Variants in ZNF227 observed in about 807,000 individuals in gnomAD.
ZNF227 encodes zinc finger protein 227.
ZNF227 carries 12 observed loss-of-function variants against 13.2 expected under a neutral mutation model. The ratio of observed to expected loss-of-function variants is 0.91; its 90% confidence interval spans 0.58 to 1.47. The LOEUF (loss-of-function observed/expected upper bound fraction) is 1.47, where lower values mean the gene tolerates loss of function less well. Among genes scored for constraint, ZNF227 ranks in the 40% most tolerant of loss-of-function variants. ZNF227 has a pLI of 0.00. For missense variants in ZNF227, 885 were observed against 967.5 expected (o/e 0.91, Z 1.13); for synonymous variants, 338 against 326.0 (o/e 1.04, Z -0.40).
In ZNF227 at chr19:44,228,555, A is replaced by G. The variant is rs151330806; in HGVS notation, c.170A>G (p.Lys57Arg). The G allele has an allele frequency of 3.7e-5, 59 of 1,612,834 alleles. No homozygotes were observed. In the African/African-American group the frequency reaches 7.2e-4, roughly 20 times the overall value. ...LYRDVMVENF[K>R]NLVAVGHLPF... ...CGAGATGTCATGGTGGAGAACTTCA[A>G]GAACCTGGTTGCAGTGGGTGAGGAC... The change falls in exon 4 of 6, where the codon AAG becomes AGG. Residue 57 changes from lysine (K) to arginine (R), a missense_variant. Transcript: ENST00000313040.
Position 44,228,594 on chromosome 19 carries a change from C to G in ZNF227, c.187+22C>G, listed in dbSNP as rs746802861. The G allele has an allele frequency of 3.8e-6, 6 of 1,587,744 alleles. No homozygotes were observed. In the African/African-American group the frequency reaches 6.9e-5, roughly 18 times the overall value. On this transcript the variant is annotated intron_variant, in intron 4 of 5. Transcript: ENST00000313040. ...GTGGGTGAGGACAGGCACTCTCTGA[C>G]CCTGAACTTCAGTTCCCTTGAGAAT...
chr19:44,222,672 A>G lies in ZNF227; in HGVS notation c.60+4820A>G, dbSNP rs1365654042. ...CTTAAGGAGATTTTGGGCTGAGACA[A>G]TGGGGTTTTCTAGATATACAATCAT... is the stretch of plus-strand genomic sequence containing the variant. On this transcript the variant is annotated intron_variant, in intron 3 of 5. Coordinates refer to ENST00000313040, the MANE Select transcript of ZNF227 (RefSeq NM_182490.3). Among the ~76,000 whole-genome samples the G allele has an allele frequency of 3.9e-3, 591 of 150,028 alleles. 2 individuals are homozygous for G. Among genetic ancestry groups the G allele is most frequent in the African/African-American group, 0.013 (544 of 40,988 alleles).
chr19:44,208,499 GGTTGT>G (rs1971261640), upstream of ZNF227, among the ~76,000 whole-genome samples: 1 of 152,162 alleles, frequency 6.6e-6, no homozygotes, highest in African/African-American at 2.4e-5. Flanking sequence ...AATACTTCTA[GGTTGT>G]AAACCTGGCT....
rs1235517972 is a variant in ZNF227 at position 44,222,122 on chromosome 19, ATC to A, written c.60+4274_60+4275del. 3.9e-5 allele frequency among the ~76,000 whole-genome samples: 6 copies of A among 151,906 alleles called. No individual in the cohort carries two copies. The South Asian group carries it at 6.2e-4, about 16-fold the overall frequency. On this transcript the variant is annotated intron_variant, in intron 3 of 5. Coordinates refer to ENST00000313040, the MANE Select transcript of ZNF227 (RefSeq NM_182490.3). ...GCTCTGTTCTGTTCCATTGATCTAT[ATC>A]TCTGTTTTGGTACCAGTACCATGCT...
chr19:44,235,578 AAG>A lies in ZNF227; in HGVS notation c.1151_1152del (p.Glu384ValfsTer3). 6.2e-7 allele frequency: 1 copy of A among 1,614,182 alleles called. No homozygotes were observed. The highest frequency in any genetic ancestry group is 8.5e-7 in the Non-Finnish European group (1 of 1,180,030). ...ACTGAAGAAAAACCATACAAATGCG[AAG>A]AGTGTGGTAAGGGCTTCGGTTGGAG... On this transcript the variant is annotated frameshift_variant, in exon 6 of 6. Transcript: ENST00000313040. LOFTEE classifies it low-confidence loss of function (END_TRUNC).
upstream of ZNF227, among the ~76,000 whole-genome samples, chr19:44,208,577 G>GA (rs888976256): frequency 6.6e-6 from 1 of 152,200 alleles, no homozygotes; most frequent in Non-Finnish European, 1.5e-5. Flanking sequence ...AAAGGATTCA[G>GA]AAGCACTAGG....
At chr19:44,224,987 T>C (rs1438953775) in intron 3 of ZNF227, among the ~76,000 whole-genome samples, 3 of 152,120 alleles carry the variant, frequency 2.0e-5, no homozygotes, top group African/African-American at 7.2e-5. Context: ...TCTCAGCATT[T>C]GCTTGTCTGT....
upstream of ZNF227, chr19:44,207,896 T>TA (rs1971246902): frequency 6.6e-6 from 1 of 152,228 alleles, no homozygotes; most frequent in Non-Finnish European, 1.5e-5. Flanking sequence ...GAGTTAATCT[T>TA]AATCTTTCTC....
rs200142796 is a variant in ZNF227, at chr19:44,236,775, G to A, written c.2345G>A (p.Arg782His). Residue 782 changes from arginine to histidine, a missense_variant, in exon 6 of 6, where the codon CGT becomes CAT. By Grantham distance (29) the Arg-to-His change is conservative. Coordinates refer to ENST00000313040, the MANE Select transcript of ZNF227 (RefSeq NM_182490.3). Reference protein sequence around the residue: ...YKCDICDKDFRHRSRLTYHQK... With the variant: ...YKCDICDKDFHHRSRLTYHQK... ...TGTGACATATGTGATAAGGACTTCC[G>A]TCACCGTTCACGTCTTACATATCAT... 6.0e-5 allele frequency: 97 copies of A among 1,610,602 alleles called. 1 individual carries two copies. The East Asian group carries it at 1.0e-3, about 17-fold the overall frequency.
At chr19:44,222,068 G>A (rs1009988694) in intron 3 of ZNF227, among the ~76,000 whole-genome samples, 155 of 152,200 alleles carry the variant, frequency 1.0e-3, no homozygotes, top group African/African-American at 3.5e-3. Context: ...AGATCAGATA[G>A]TTGTAGATCT....
chr19:44,216,958 GTT>G (rs35474532), intron 2 of ZNF227, among the ~76,000 whole-genome samples: 236 of 91,626 alleles, frequency 2.6e-3, no homozygotes, highest in South Asian at 3.9e-3. Context: ...TCATCTGCTT[GTT>G]TTTTTTTTTT....
rs556513395 is a variant in ZNF227 at position 44,224,834 on chromosome 19, C to T, written c.61-3612C>T. Among the ~76,000 whole-genome samples, 11 of 152,188 alleles carry T rather than the reference C, an allele frequency of 7.2e-5. No homozygotes were observed. The South Asian group carries it at 1.5e-3, about 20-fold the overall frequency. On this transcript the variant is annotated intron_variant, in intron 3 of 5. Transcript: ENST00000313040. ...TTTGATGTTAGCTGGTTATTTTGCT[C>T]GTTAGTTGATGCAGTTTCTTCCTAG...
chr19:44,210,977 T>G (rs906447370), upstream of ZNF227, among the ~76,000 whole-genome samples: 2 of 152,100 alleles, frequency 1.3e-5, no homozygotes, highest in Non-Finnish European at 2.9e-5. Flanking sequence ...GTGGATCACC[T>G]GAGGTCAGGA....
chr19:44,230,922 AAAAAATAT>A lies in ZNF227; in HGVS notation c.271+1108_271+1115del, dbSNP rs1457686910. Among the ~76,000 whole-genome samples the A allele has an allele frequency of 2.4e-3, 261 of 107,076 alleles. 2 individuals are homozygous for A. The highest frequency in any genetic ancestry group is 0.015 in the African/African-American group (239 of 15,596). 70.2% of individuals were successfully genotyped at this position (107,076 alleles called of 152,430 possible). On this transcript the variant is annotated intron_variant, in intron 5 of 5. Transcript: ENST00000313040. ...CTCCATCTCTACAAAAAAAAAAAAAAAAAAATATATATATATATATATATATATATATC... is the reference window on the plus strand; with the variant it reads ...CTCCATCTCTACAAAAAAAAAAAAAAATATATATATATATATATATATATC...
rs866153414 is a variant in ZNF227 at position 44,235,034 on chromosome 19, C to A, written c.604C>A (p.Gln202Lys). The change falls in exon 6 of 6, where the codon CAA becomes AAA. Residue 202 changes from glutamine (Q) to lysine (K), a missense_variant. Coordinates refer to ENST00000313040, the MANE Select transcript of ZNF227 (RefSeq NM_182490.3). ...GKQIDVKNNL[Q>K]IHEDFMKKSP... ...GCAAATTGATGTGAAAAATAACCTG[C>A]AAATACATGAAGACTTCATGAAGAA... is the stretch of plus-strand genomic sequence containing the variant. 6.2e-7 allele frequency: 1 copy of A among 1,614,034 alleles called. No homozygotes were observed. The highest frequency in any genetic ancestry group is 2.2e-5 in the East Asian group (1 of 44,880).
rs1416691244 is a variant in ZNF227, at chr19:44,236,616, C to A, written c.2186C>A (p.Ser729Ter). ...EECGKAFSLP[S>*]NLRVHLGVHT... is the part of the protein sequence containing the mutation. Reference sequence around the variant, plus strand: ...TGTGGTAAGGCCTTCAGTCTCCCCTCAAATCTTCGAGTCCACCTGGGTGTT... The same window carrying A: ...TGTGGTAAGGCCTTCAGTCTCCCCTAAAATCTTCGAGTCCACCTGGGTGTT... The change falls in exon 6 of 6, where the codon TCA becomes TAA. Residue 729 changes from serine (S) to a stop codon, truncating the protein, a stop_gained. Transcript: ENST00000313040. LOFTEE classifies it low-confidence loss of function (END_TRUNC). 7.4e-6 allele frequency: 12 copies of A among 1,613,952 alleles called. No individual in the cohort carries two copies. Among genetic ancestry groups the A allele is most frequent in the African/African-American group, 1.3e-5 (1 of 74,876 alleles).
chr19:44,231,553 G>A lies in ZNF227; in HGVS notation c.271+1737G>A, dbSNP rs144145240. On this transcript the variant is annotated intron_variant, in intron 5 of 5. Coordinates refer to ENST00000313040, the MANE Select transcript of ZNF227 (RefSeq NM_182490.3). Reference sequence around the variant, plus strand: ...TCACCATGTTGGCCAGGCTGGTCTCGAACTCCTGAGATCGTGGTCCACCTG... The same window carrying A: ...TCACCATGTTGGCCAGGCTGGTCTCAAACTCCTGAGATCGTGGTCCACCTG... Among the ~76,000 whole-genome samples, 368 of 152,182 alleles carry A rather than the reference G, an allele frequency of 2.4e-3. 2 individuals carry two copies. The highest frequency in any genetic ancestry group is 3.4e-3 in the Middle Eastern group (1 of 294).
rs748931314 is a variant in ZNF227, at chr19:44,236,871, C to A, written c.*41C>A. ...TACCAACTTTTGTCTGAATGCACAT[C>A]TTCAAGTTTTTGGCTAGTCCATGCT... is the stretch of plus-strand genomic sequence containing the variant. On this transcript the variant is annotated 3_prime_UTR_variant, in exon 6 of 6. Coordinates refer to ENST00000313040, the MANE Select transcript of ZNF227 (RefSeq NM_182490.3). 6.6e-7 allele frequency: 1 copy of A among 1,512,886 alleles called. No homozygotes were observed. Among genetic ancestry groups the A allele is most frequent in the Admixed American group, 2.2e-5 (1 of 46,446 alleles). 93.7% of individuals were successfully genotyped at this position (1,512,886 alleles called of 1,614,324 possible).
At chr19:44,216,423 A>T (rs1971887086) in intron 2 of ZNF227, among the ~76,000 whole-genome samples, 1 of 151,936 alleles carries the variant, frequency 6.6e-6, no homozygotes, top group Non-Finnish European at 1.5e-5. Context: ...TGTTGTTTCC[A>T]GTTCTTTATG....
Sources: gnomAD v4.1 joint callset for allele counts (sites outside exome capture counted in the v4.1 genomes callset) on GRCh38, gnomAD v4.1.1 for gene constraint, MANE v1.5 for transcripts, NCBI Gene and HGNC (gene_info 2026-07-23, HGNC 2026-07-21) for gene names.